The following PCDHA10 variants were observed in gnomAD, a reference collection of about 807,000 sequenced individuals.
The protein encoded by PCDHA10 is protocadherin alpha-10.
PCDHA10 carries 45 observed loss-of-function variants against 61.2 expected under a neutral mutation model. The observed-to-expected ratio is 0.74, with a 90% CI of 0.58 to 0.94. The LOEUF (loss-of-function observed/expected upper bound fraction) is 0.94. Among genes scored for constraint, PCDHA10 ranks in the 40% least tolerant of loss-of-function variants. The pLI is 0.00. For synonymous variants in PCDHA10, 602 were observed against 548.8 expected (o/e 1.10, Z -1.35); for missense variants, 1,278 against 1,236.2 (o/e 1.03, Z -0.51).
In PCDHA10 at chr5:140,858,360, G is replaced by C. The variant is rs782369682; in HGVS notation, c.2312G>C (p.Ser771Thr). Reference sequence around the variant, plus strand: ...CCCAAGGCGGACCTCATGGCCTTCAGCCCCAGCCTTCCACCATGCCCAATG... The same window carrying C: ...CCCAAGGCGGACCTCATGGCCTTCACCCCCAGCCTTCCACCATGCCCAATG... ...GLPKADLMAF[S>T]PSLPPCPMVD... Residue 771 changes from serine (S) to threonine (T), a missense_variant, in exon 1 of 4, where the codon AGC becomes ACC. By Grantham distance (58) the Ser-to-Thr change is moderately conservative. Transcript: ENST00000307360. The C allele has an allele frequency of 1.9e-6, 3 of 1,592,532 alleles. No individual in the cohort carries two copies. The highest frequency in any genetic ancestry group is 2.6e-6 in the Non-Finnish European group (3 of 1,164,218).
chr5:140,930,196 T>C (rs1554207641), intron 1 of PCDHA10: 1 of 152,226 alleles, frequency 6.6e-6, no homozygotes, highest in South Asian at 2.1e-4. Flanking sequence ...AATTTTTATG[T>C]CAGAAATATT....
At chr5:141,002,020 T>A (rs1380012353) in intron 3 of PCDHA10, among the ~76,000 whole-genome samples, 4 of 152,166 alleles carry the variant, frequency 2.6e-5, no homozygotes, top group Admixed American at 6.5e-5. Flanking sequence ...TGCACAGCCT[T>A]CGGTGCCCTG....
chr5:140,913,960 T>A (rs114058923), intron 1 of PCDHA10, among the ~76,000 whole-genome samples: 2,762 of 152,276 alleles, frequency 0.018, 70 homozygotes, highest in African/African-American at 0.054. Context: ...ATATCATTTT[T>A]AAAAAAATAT....
chr5:140,948,076 A>G (rs1554218436), intron 1 of PCDHA10, among the ~76,000 whole-genome samples: 1 of 151,508 alleles, frequency 6.6e-6, no homozygotes, highest in Non-Finnish European at 1.5e-5. Flanking sequence ...ATTTTCTTTT[A>G]ATCTATTGAT....
chr5:140,870,553 C>T, intron 1 of PCDHA10: 1 of 1,614,032 alleles, frequency 6.2e-7, no homozygotes, highest in East Asian at 2.2e-5. Flanking sequence ...CGCGGACGCG[C>T]AGGAGAACGC....
At chr5:140,925,349 A>G (rs4912732) in intron 1 of PCDHA10, among the ~76,000 whole-genome samples, 5,885 of 152,152 alleles carry the variant, frequency 0.039, 171 homozygotes, top group Non-Finnish European at 0.058. Flanking sequence ...TTGAGTGAGG[A>G]ATTTAGTGCT....
intron 1 of PCDHA10, among the ~76,000 whole-genome samples, chr5:140,887,189 C>T (rs1268664594): frequency 6.6e-6 from 1 of 151,836 alleles, no homozygotes; most frequent in Non-Finnish European, 1.5e-5. Context: ...CTCCACCTCC[C>T]GGGTTCACGC....
intron 1 of PCDHA10, among the ~76,000 whole-genome samples, chr5:140,887,041 A>G (rs1166286264): frequency 6.6e-6 from 1 of 152,026 alleles, no homozygotes; most frequent in African/African-American, 2.4e-5. Flanking sequence ...AATATTTTTT[A>G]TAGTGCATAT....
chr5:140,876,837 C>G (rs782753877), intron 1 of PCDHA10: 3 of 1,614,148 alleles, frequency 1.9e-6, no homozygotes, highest in African/African-American at 1.3e-5. Context: ...CGCCTGCGTT[C>G]GCGCAGCCCG....
intron 1 of PCDHA10, among the ~76,000 whole-genome samples, chr5:140,881,806 C>G (rs545752672): frequency 1.3e-5 from 2 of 152,238 alleles, no homozygotes; most frequent in African/African-American, 4.8e-5. Context: ...AAACGAGTGT[C>G]GAATATTCTT....
At chr5:140,863,942 G>C (rs868949663) in intron 1 of PCDHA10, 1 of 159,974 alleles carries the variant, frequency 6.3e-6, no homozygotes, top group Non-Finnish European at 1.4e-5. Context: ...CAGAGGTTGC[G>C]GTGAGCCTAG....
At chr5:140,883,957 G>T (rs879988838) in intron 1 of PCDHA10, 1 of 1,613,246 alleles carries the variant, frequency 6.2e-7, no homozygotes, top group Non-Finnish European at 8.5e-7. Context: ...ACAACGCTCC[G>T]GCGCTGCTGA....
chr5:140,877,016 G>A (rs781790454), intron 1 of PCDHA10: 2 of 1,612,362 alleles, frequency 1.2e-6, no homozygotes, highest in Non-Finnish European at 1.7e-6. Context: ...GCGGAGAGCG[G>A]CAAGGTGTAC....
intron 3 of PCDHA10, among the ~76,000 whole-genome samples, chr5:141,002,939 A>G (rs2098103546): frequency 6.6e-6 from 1 of 152,238 alleles, no homozygotes; most frequent in Admixed American, 6.5e-5. Context: ...AACACCCTCC[A>G]GCACATGCCC....
Position 141,011,176 on chromosome 5 carries a change from A to G in PCDHA10, c.*1239A>G, listed in dbSNP as rs1198355681. On this transcript the variant is annotated 3_prime_UTR_variant, in exon 4 of 4. Coordinates refer to ENST00000307360, the MANE Select transcript of PCDHA10 (RefSeq NM_018901.4). The stretch of plus-strand genomic sequence containing the variant: ...ACCAACTATATATCAAGACCCAAAA[A>G]TTGAAGAAAAATATTGTTTTCTCAT... 1 of 153,724 alleles carries G rather than the reference A, an allele frequency of 6.5e-6. No homozygotes were observed. The highest frequency in any genetic ancestry group is 1.5e-5 in the Non-Finnish European group (1 of 68,024). The allele number at this position is 153,724 out of a possible 1,614,324, so 9.5% of individuals were successfully genotyped here.
At chr5:140,870,402 T>G (rs782585618) in intron 1 of PCDHA10, 8 of 1,614,212 alleles carry the variant, frequency 5.0e-6, no homozygotes, top group Non-Finnish European at 5.1e-6. Flanking sequence ...GTTCGCCTTC[T>G]CTGTGGGCCA....
chr5:140,941,202 C>CTTT (rs1554213921), intron 1 of PCDHA10, among the ~76,000 whole-genome samples: 9,869 of 122,696 alleles, frequency 0.08, 560 homozygotes, highest in East Asian at 0.13. Flanking sequence ...TTTCTTTCTT[C>CTTT]CTTTCTTTCT....
chr5:140,859,358 A>G (rs1470133461), intron 1 of PCDHA10: 1 of 254,184 alleles, frequency 3.9e-6, no homozygotes, highest in Non-Finnish European at 7.4e-6. Context: ...CTGATCTGAT[A>G]TATTGTATAG....
intron 1 of PCDHA10, among the ~76,000 whole-genome samples, chr5:140,911,208 G>A (rs1554194651): frequency 6.6e-6 from 1 of 152,154 alleles, no homozygotes; most frequent in Non-Finnish European, 1.5e-5. Flanking sequence ...TGCCACTACT[G>A]GGGATGAGAA....
Sources: allele counts gnomAD v4.1 joint callset (sites outside exome capture counted in the v4.1 genomes callset), GRCh38; gene constraint gnomAD v4.1.1; transcripts MANE v1.5; gene names NCBI Gene and HGNC (gene_info 2026-07-23, HGNC 2026-07-21).